CSMD3: variants seen among roughly 807,000 people sequenced by gnomAD.
CSMD3 encodes the protein CUB and Sushi multiple domains 3.
A neutral mutation model predicts 435.2 loss-of-function variants in CSMD3; 177 were observed. That is an observed-to-expected ratio of 0.41 (90% CI 0.36 to 0.46). The LOEUF (loss-of-function observed/expected upper bound fraction) is 0.46, where lower values mean the gene tolerates loss of function less well. Ranked by LOEUF, CSMD3 falls within the 20% of genes least tolerant of loss-of-function variation. CSMD3 has a pLI of 0.34. For synonymous variants in CSMD3, 1,656 were observed against 1,520.5 expected (o/e 1.09, Z -2.07); for missense variants, 4,265 against 4,504.6 (o/e 0.95, Z 1.52).
intron 32 of CSMD3, among the ~76,000 whole-genome samples, chr8:112,416,655 G>A (rs909317445): frequency 6.6e-6 from 1 of 152,106 alleles, no homozygotes; most frequent in Admixed American, 6.6e-5. Context: ...AAACAAATAT[G>A]GACATGATTA....
chr8:112,855,760 G>C (rs2080636016), intron 11 of CSMD3, among the ~76,000 whole-genome samples: 1 of 150,124 alleles, frequency 6.7e-6, no homozygotes, highest in Non-Finnish European at 1.5e-5. Context: ...CTATGAGTTT[G>C]TTGCTTGGTT....
intron 40 of CSMD3, among the ~76,000 whole-genome samples, chr8:112,349,556 A>G (rs1825963045): frequency 6.6e-6 from 1 of 152,070 alleles, no homozygotes; most frequent in South Asian, 2.1e-4. Flanking sequence ...TATATTCTCA[A>G]CTTTTATACT....
At chr8:112,542,493 A>C (rs1057030990) in intron 27 of CSMD3, among the ~76,000 whole-genome samples, 1 of 152,058 alleles carries the variant, frequency 6.6e-6, no homozygotes, top group East Asian at 1.9e-4. Flanking sequence ...TACAAAAATC[A>C]ATTGTGTTTC....
At chr8:112,676,250 T>A (rs915968760) in intron 16 of CSMD3, among the ~76,000 whole-genome samples, 1 of 152,066 alleles carries the variant, frequency 6.6e-6, no homozygotes, top group Non-Finnish European at 1.5e-5. Context: ...CAGCGGCATG[T>A]AGATATTGTT....
chr8:113,291,815 T>C (rs920490227), intron 2 of CSMD3, among the ~76,000 whole-genome samples: 13 of 151,884 alleles, frequency 8.6e-5, no homozygotes, highest in African/African-American at 2.7e-4. Context: ...ACAAAAAAAC[T>C]AAAGGAAGTA....
chr8:112,551,775 T>G (rs1344918103), intron 26 of CSMD3, among the ~76,000 whole-genome samples: 1 of 152,114 alleles, frequency 6.6e-6, no homozygotes, highest in East Asian at 1.9e-4. Flanking sequence ...GTATACCACC[T>G]AGAAGCCTGT....
chr8:112,260,618 A>G (rs995715247), intron 61 of CSMD3, among the ~76,000 whole-genome samples: 2 of 152,106 alleles, frequency 1.3e-5, no homozygotes, highest in Admixed American at 6.6e-5. Context: ...AACCTGCCAT[A>G]TACTCATCTT....
Position 112,740,884 on chromosome 8 carries a change from G to A in CSMD3, c.1973-50834C>T, listed in dbSNP as rs572674702. On this transcript the variant is annotated intron_variant, in intron 13 of 70. Coordinates refer to ENST00000297405, the MANE Select transcript of CSMD3 (RefSeq NM_198123.2). ...GAATGTTGAGTATTTCTGCATGTTT[G>A]GCCATAAGAAGTATGGAGGGGAAAA... Among the ~76,000 whole-genome samples the A allele has an allele frequency of 2.0e-4, 30 of 152,032 alleles. No homozygotes were observed. The East Asian group carries it at 2.1e-3, about 11-fold the overall frequency.
chr8:112,688,190 A>G (rs1007311481), intron 14 of CSMD3, among the ~76,000 whole-genome samples: 9 of 152,216 alleles, frequency 5.9e-5, no homozygotes, highest in Admixed American at 2.6e-4. Context: ...TCTGTTTGCC[A>G]TCTCCTGATC....
intron 4 of CSMD3, among the ~76,000 whole-genome samples, chr8:113,149,013 A>G (rs1424563515): frequency 6.6e-6 from 1 of 151,706 alleles, no homozygotes; most frequent in African/African-American, 2.4e-5. Flanking sequence ...ATAAGTAAAC[A>G]GTGTCCGGTT....
intron 27 of CSMD3, among the ~76,000 whole-genome samples, chr8:112,540,190 AC>A (rs1435989765): frequency 6.6e-6 from 1 of 152,032 alleles, no homozygotes; most frequent in East Asian, 1.9e-4. Context: ...AAAATGCTTA[AC>A]ATTACTAATA....
At chr8:112,308,858 G>A (rs1359551141) in intron 50 of CSMD3, among the ~76,000 whole-genome samples, 1 of 151,982 alleles carries the variant, frequency 6.6e-6, no homozygotes, top group Non-Finnish European at 1.5e-5. Flanking sequence ...TAAGAGGTAA[G>A]AGAAAGAAAA....
At chr8:112,815,029 T>G (rs2079333715) in intron 12 of CSMD3, among the ~76,000 whole-genome samples, 1 of 151,846 alleles carries the variant, frequency 6.6e-6, no homozygotes, top group Admixed American at 6.6e-5. Flanking sequence ...TTATAAAAAG[T>G]AATGTATATG....
chr8:113,118,865 G>T (rs1381997761), intron 4 of CSMD3, among the ~76,000 whole-genome samples: 1 of 152,064 alleles, frequency 6.6e-6, no homozygotes, highest in Admixed American at 6.6e-5. Flanking sequence ...GATTGAGAAG[G>T]CACTCTCAGT....
chr8:112,842,497 G>A (rs1251471450), intron 11 of CSMD3, among the ~76,000 whole-genome samples: 2 of 151,716 alleles, frequency 1.3e-5, no homozygotes, highest in Non-Finnish European at 2.9e-5. Flanking sequence ...GTTGGTGGTG[G>A]TAGCAGTTGC....
intron 13 of CSMD3, among the ~76,000 whole-genome samples, chr8:112,739,078 G>C (rs1208379116): frequency 6.6e-6 from 1 of 151,598 alleles, no homozygotes; most frequent in Non-Finnish European, 1.5e-5. Context: ...ATATATCCAA[G>C]TAAAATAAAA....
intron 9 of CSMD3, among the ~76,000 whole-genome samples, chr8:112,933,127 T>C (rs1238078715): frequency 6.6e-6 from 1 of 152,112 alleles, no homozygotes; most frequent in Non-Finnish European, 1.5e-5. Flanking sequence ...CTCTGAGATT[T>C]TTTTTTCCAG....
chr8:113,122,618 G>A (rs1168578348), intron 4 of CSMD3, among the ~76,000 whole-genome samples: 1 of 150,602 alleles, frequency 6.6e-6, no homozygotes, highest in Non-Finnish European at 1.5e-5. Context: ...AGAGAGAGAT[G>A]TGCTTTTTCA....
chr8:113,411,083 G>A (rs778163779), intron 1 of CSMD3, among the ~76,000 whole-genome samples: 9 of 151,576 alleles, frequency 5.9e-5, no homozygotes, highest in Middle Eastern at 3.4e-3. Context: ...ATGGAAGGAA[G>A]GAAGAGAGGG....
Sources: allele counts gnomAD v4.1 joint callset (sites outside exome capture counted in the v4.1 genomes callset), GRCh38; gene constraint gnomAD v4.1.1; transcripts MANE v1.5; gene names NCBI Gene and HGNC (gene_info 2026-07-23, HGNC 2026-07-21).